The following PDE1A variants were observed in gnomAD, a reference collection of about 807,000 sequenced individuals.
PDE1A encodes the protein phosphodiesterase 1A, also known as dual specificity calcium/calmodulin-dependent 3',5'-cyclic nucleotide phosphodiesterase 1A.
A neutral mutation model predicts 61.7 loss-of-function variants in PDE1A; 35 were observed. The observed-to-expected ratio is 0.57, with a 90% CI of 0.43 to 0.75. PDE1A has a LOEUF of 0.75. Ranked by LOEUF, PDE1A falls within the 30% of genes least tolerant of loss-of-function variation. The pLI is 0.00. For synonymous variants in PDE1A, 232 were observed against 213.2 expected, an observed-to-expected ratio of 1.09 and a Z score of -0.77; for missense variants, 597 against 630.6, an observed-to-expected ratio of 0.95 and a Z score of 0.57.
At chr2:182,565,268 AACAG>A in the PDE1A span, among the ~76,000 whole-genome samples, 11 of 152,102 alleles carry the variant, frequency 7.2e-5, no homozygotes, top group African/African-American at 2.7e-4. Context: ...TTTTCCTTCT[AACAG>A]ACAGGACCCT....
At chr2:182,190,759 C>T (rs1685615572) in intron 10 of PDE1A, among the ~76,000 whole-genome samples, 1 of 151,988 alleles carries the variant, frequency 6.6e-6, no homozygotes, top group African/African-American at 2.4e-5. Flanking sequence ...AGATTGAGAC[C>T]ATCCTGGCCA....
intron 1 of PDE1A, among the ~76,000 whole-genome samples, chr2:182,367,897 A>C (rs1172884920): frequency 1.3e-5 from 2 of 152,106 alleles, no homozygotes; most frequent in East Asian, 3.9e-4. Flanking sequence ...TATATATTTA[A>C]TGTATAGAAC....
At chr2:182,296,719 C>G (rs1694909117) in intron 1 of PDE1A, among the ~76,000 whole-genome samples, 1 of 152,144 alleles carries the variant, frequency 6.6e-6, no homozygotes, top group Non-Finnish European at 1.5e-5. Flanking sequence ...ATAGAGTGCT[C>G]AGATAAAACA....
the PDE1A span, among the ~76,000 whole-genome samples, chr2:182,553,418 C>T: frequency 0.054 from 8,166 of 152,266 alleles, 272 homozygotes; most frequent in Middle Eastern, 0.099. Context: ...TTAGTAGAGA[C>T]AGGGTTTCAC....
At chr2:182,250,854 C>A (rs1020764760) in intron 2 of PDE1A, among the ~76,000 whole-genome samples, 2 of 152,078 alleles carry the variant, frequency 1.3e-5, no homozygotes, top group African/African-American at 4.8e-5. Context: ...ATCTAGGAAG[C>A]AAAGGTGGAG....
intron 11 of PDE1A, among the ~76,000 whole-genome samples, chr2:182,187,861 C>T (rs529469765): frequency 6.0e-5 from 9 of 150,184 alleles, no homozygotes; most frequent in East Asian, 4.0e-4. Flanking sequence ...TCTCATGCCT[C>T]GGCCTCCCGA....
chr2:182,409,151 C>A (rs1268182979), intron 1 of PDE1A, among the ~76,000 whole-genome samples: 2 of 152,166 alleles, frequency 1.3e-5, no homozygotes, highest in African/African-American at 4.8e-5. Context: ...AATCCTCCTC[C>A]CTTCTCCTTT....
upstream of PDE1A, among the ~76,000 whole-genome samples, chr2:182,430,706 A>C (rs866438150): frequency 0.019 from 2,150 of 110,850 alleles, 11 homozygotes; most frequent in Middle Eastern, 0.042. Flanking sequence ...TGGAACCAAC[A>C]CAAATGTCCA....
At chr2:182,210,827 T>G (rs1687522963) in intron 7 of PDE1A, among the ~76,000 whole-genome samples, 1 of 152,038 alleles carries the variant, frequency 6.6e-6, no homozygotes, top group Non-Finnish European at 1.5e-5. Context: ...GTTAATTTTG[T>G]AAAGGGTATA....
the PDE1A span, among the ~76,000 whole-genome samples, chr2:182,533,673 G>A: frequency 6.6e-6 from 1 of 152,138 alleles, no homozygotes. Flanking sequence ...TAATTGATTA[G>A]AATAATTACA....
At chr2:182,226,849 T>C (rs1689181906) in intron 6 of PDE1A, among the ~76,000 whole-genome samples, 1 of 139,356 alleles carries the variant, frequency 7.2e-6, no homozygotes, top group Non-Finnish European at 1.5e-5. Context: ...AGTCATCAAC[T>C]TATAAGGAGG....
the PDE1A span, among the ~76,000 whole-genome samples, chr2:182,681,161 T>G: frequency 2.2e-4 from 34 of 151,442 alleles, no homozygotes; most frequent in East Asian, 4.3e-3. Flanking sequence ...TTTTTTGTTT[T>G]TTTTTTTTTG....
intron 2 of PDE1A, among the ~76,000 whole-genome samples, chr2:182,444,615 A>G (rs899175343): frequency 6.6e-6 from 1 of 152,006 alleles, no homozygotes; most frequent in African/African-American, 2.4e-5. Flanking sequence ...CTGTCTATCA[A>G]TATATCTCTC....
chr2:182,637,300 C>A, the PDE1A span, among the ~76,000 whole-genome samples: 1 of 152,178 alleles, frequency 6.6e-6, no homozygotes, highest in African/African-American at 2.4e-5. Flanking sequence ...CTAATATAAT[C>A]TCCTAGTTCT....
chr2:182,178,436 T>C (rs1043097839), intron 13 of PDE1A, among the ~76,000 whole-genome samples: 6 of 151,834 alleles, frequency 4.0e-5, no homozygotes, highest in Non-Finnish European at 8.8e-5. Context: ...AAAAGTAAGG[T>C]GTAAGGGAGA....
the PDE1A span, among the ~76,000 whole-genome samples, chr2:182,692,324 G>A: frequency 2.0e-5 from 3 of 152,064 alleles, no homozygotes; most frequent in Admixed American, 6.6e-5. Context: ...TATACACCAC[G>A]GAATACTATG....
chr2:182,473,350 A>C (rs975672435), intron 2 of PDE1A, among the ~76,000 whole-genome samples: 1 of 152,006 alleles, frequency 6.6e-6, no homozygotes, highest in African/African-American at 2.4e-5. Context: ...CAACCTACAA[A>C]ATGGGAGAAA....
At chr2:182,411,155 C>T (rs1185484349) in intron 1 of PDE1A, among the ~76,000 whole-genome samples, 1 of 152,204 alleles carries the variant, frequency 6.6e-6, no homozygotes, top group East Asian at 1.9e-4. Flanking sequence ...CCAAGGATAA[C>T]CACTGTCCTA....
chr2:182,564,224 T>C, the PDE1A span, among the ~76,000 whole-genome samples: 1 of 152,198 alleles, frequency 6.6e-6, no homozygotes, highest in African/African-American at 2.4e-5. Context: ...AGTGCTTCCT[T>C]CAGGAGCTCT....
Sources: gnomAD v4.1 joint callset for allele counts (sites outside exome capture counted in the v4.1 genomes callset) on GRCh38, gnomAD v4.1.1 for gene constraint, MANE v1.5 for transcripts, NCBI Gene and HGNC (gene_info 2026-07-23, HGNC 2026-07-21) for gene names.